Variants in LIMCH1 observed in about 807,000 individuals in gnomAD.
The protein encoded by LIMCH1 is LIM and calponin homology domains 1, also known as LIM and calponin homology domains-containing protein 1.
A neutral mutation model predicts 176.5 loss-of-function variants in LIMCH1; 113 were observed. The ratio of observed to expected loss-of-function variants is 0.64; its 90% CI spans 0.55 to 0.75. The LOEUF is 0.75. Among genes scored for constraint, LIMCH1 ranks in the 30% least tolerant of loss-of-function variants. LIMCH1 has a pLI of 0.00. For synonymous variants in LIMCH1, 619 were observed against 645.9 expected (o/e 0.96, Z 0.63); for missense variants, 1,674 against 1,814.9 (o/e 0.92, Z 1.41).
chr4:41,534,593 A>G (rs368916187), upstream of LIMCH1, among the ~76,000 whole-genome samples: 1 of 152,230 alleles, frequency 6.6e-6, no homozygotes, highest in Admixed American at 6.5e-5. Flanking sequence ...GCAGACTATT[A>G]GAAATGCTGG....
intron 1 of LIMCH1, among the ~76,000 whole-genome samples, chr4:41,377,847 C>T (rs1440215960): frequency 6.6e-6 from 1 of 152,188 alleles, no homozygotes; most frequent in Non-Finnish European, 1.5e-5. Context: ...AACTGACCCA[C>T]TCCCTTGGTA....
upstream of LIMCH1, among the ~76,000 whole-genome samples, chr4:41,535,180 A>AAAG (rs2077762586): frequency 2.8e-5 from 4 of 142,384 alleles, no homozygotes; most frequent in African/African-American, 1.1e-4. Context: ...AAAAAAAAAA[A>AAAG]AAAAGAAAAG....
intron 21 of LIMCH1, among the ~76,000 whole-genome samples, chr4:41,670,005 TAC>T (rs144917776): frequency 3.4e-4 from 51 of 152,116 alleles, no homozygotes; most frequent in Non-Finnish European, 6.9e-4. Flanking sequence ...ACGTTTTCCT[TAC>T]ACACACACAC....
At position 41,626,582 on chromosome 4, in the gene LIMCH1, G is replaced by C. The variant is rs146046497; in HGVS notation, c.726-126G>C. 3.8e-6 allele frequency: 3 copies of C among 782,864 alleles called. No individual in the cohort carries two copies. The African/African-American group carries it at 5.2e-5, about 14-fold the overall frequency. 48.5% of individuals were successfully genotyped at this position (782,864 alleles called of 1,614,324 possible). A position where few individuals can be genotyped will look rare whatever the true frequency, so the allele number is the denominator to read the frequency against. On this transcript the variant is annotated intron_variant, in intron 7 of 31. Coordinates refer to ENST00000503057, the MANE Select transcript of LIMCH1 (RefSeq NM_001330672.2). ...CAATTCTAGACTGAAATAATGAACA[G>C]ATGTCATTTGAACTAACAATATCGA...
chr4:41,567,364 A>C (rs562108999), intron 1 of LIMCH1, among the ~76,000 whole-genome samples: 3 of 152,216 alleles, frequency 2.0e-5, no homozygotes, highest in Non-Finnish European at 2.9e-5. Flanking sequence ...ATATTCAGTA[A>C]GTGTTTTTGT....
intron 1 of LIMCH1, among the ~76,000 whole-genome samples, chr4:41,569,035 C>T (rs535051115): frequency 6.6e-6 from 1 of 152,126 alleles, no homozygotes; most frequent in South Asian, 2.1e-4. Context: ...TAACATTGTA[C>T]TAAATAGAAA....
chr4:41,426,949 C>T (rs74316798), intron 1 of LIMCH1, among the ~76,000 whole-genome samples: 2 of 152,294 alleles, frequency 1.3e-5, no homozygotes, highest in East Asian at 3.9e-4. Flanking sequence ...CCAGTTAACT[C>T]ATAACTCTTT....
intron 18 of LIMCH1, among the ~76,000 whole-genome samples, chr4:41,660,783 T>G (rs146934530): frequency 6.6e-6 from 1 of 152,246 alleles, no homozygotes; most frequent in Non-Finnish European, 1.5e-5. Context: ...ATTGATATAT[T>G]TGAGGGTAAT....
intron 28 of LIMCH1, among the ~76,000 whole-genome samples, chr4:41,686,492 G>A (rs1720884242): frequency 1.3e-5 from 2 of 152,120 alleles, no homozygotes; most frequent in South Asian, 2.1e-4. Context: ...TCAGTTTCAC[G>A]TAAGATCATA....
chr4:41,692,919 C>T (rs533890804), intron 31 of LIMCH1: 1 of 152,958 alleles, frequency 6.5e-6, no homozygotes, highest in Admixed American at 6.5e-5. Context: ...CACCTCCCAC[C>T]TCTACAATAT....
At chr4:41,661,219 G>A (rs2094606137) in intron 18 of LIMCH1, among the ~76,000 whole-genome samples, 1 of 152,162 alleles carries the variant, frequency 6.6e-6, no homozygotes, top group Non-Finnish European at 1.5e-5. Context: ...GTGAGATGGT[G>A]AACCGCATGG....
intron 1 of LIMCH1, among the ~76,000 whole-genome samples, chr4:41,400,933 C>T (rs1240410933): frequency 6.6e-6 from 1 of 152,022 alleles, no homozygotes; most frequent in Non-Finnish European, 1.5e-5. Flanking sequence ...GGATATTAGC[C>T]CTTTGTCAGA....
chr4:41,539,249 T>G (rs1333566646), intron 1 of LIMCH1, among the ~76,000 whole-genome samples: 1 of 152,176 alleles, frequency 6.6e-6, no homozygotes, highest in Non-Finnish European at 1.5e-5. Flanking sequence ...TGGTGCTGAA[T>G]AGACCAAATG....
chr4:41,645,189 G>A (rs2152925735), intron 15 of LIMCH1, among the ~76,000 whole-genome samples: 1 of 152,282 alleles, frequency 6.6e-6, no homozygotes, highest in African/African-American at 2.4e-5. Flanking sequence ...AGGCTGATGA[G>A]GGCTTTGAGA....
chr4:41,580,626 AAG>A (rs2085259377), intron 1 of LIMCH1, among the ~76,000 whole-genome samples: 1 of 152,202 alleles, frequency 6.6e-6, no homozygotes, highest in East Asian at 1.9e-4. Flanking sequence ...TTAAGAAATA[AAG>A]AGAAACAAAA....
chr4:41,469,822 C>T (rs2066690348), intron 1 of LIMCH1, among the ~76,000 whole-genome samples: 1 of 152,056 alleles, frequency 6.6e-6, no homozygotes, highest in African/African-American at 2.4e-5. Context: ...GCTGGGACTA[C>T]AGGTGCCTGC....
chr4:41,435,244 CAG>C (rs1352121312), intron 1 of LIMCH1, among the ~76,000 whole-genome samples: 2 of 152,190 alleles, frequency 1.3e-5, no homozygotes, highest in East Asian at 3.9e-4. Flanking sequence ...ATATCAGAAA[CAG>C]AAAACGGAGA....
chr4:41,633,617 T>C lies in LIMCH1; in HGVS notation c.1899T>C (p.Pro633=). The C allele has an allele frequency of 6.5e-7, 1 of 1,536,170 alleles. No individual in the cohort carries two copies. The highest frequency in any genetic ancestry group is 8.7e-7 in the Non-Finnish European group (1 of 1,146,926). ...TEEKLEKMTA[P]AWSGSGLKGQ... ...AGAAGTTGGAGAAGATGACAGCTCCTGCCTGGAGTGGCAGTGGACTGAAAG... is the reference window on the plus strand; with the variant it reads ...AGAAGTTGGAGAAGATGACAGCTCCCGCCTGGAGTGGCAGTGGACTGAAAG... The change falls in exon 13 of 32, where the codon CCT becomes CCC. Residue 633 remains proline, a synonymous_variant. Transcript: ENST00000503057.
intron 1 of LIMCH1, among the ~76,000 whole-genome samples, chr4:41,386,679 A>G (rs2056538902): frequency 6.6e-6 from 1 of 152,146 alleles, no homozygotes; most frequent in Non-Finnish European, 1.5e-5. Context: ...TTGAAACCCA[A>G]TTTTCCATGA....
Sources: gnomAD v4.1 joint callset for allele counts (sites outside exome capture counted in the v4.1 genomes callset) on GRCh38, gnomAD v4.1.1 for gene constraint, MANE v1.5 for transcripts, NCBI Gene and HGNC (gene_info 2026-07-23, HGNC 2026-07-21) for gene names.